The following PDE10A variants were observed in gnomAD, a reference collection of about 807,000 sequenced individuals.
PDE10A encodes phosphodiesterase 10A, also known as cAMP and cAMP-inhibited cGMP 3',5'-cyclic phosphodiesterase 10A.
A neutral mutation model predicts 97.7 loss-of-function variants in PDE10A; 39 were observed. That is an observed-to-expected ratio of 0.40 (90% CI 0.31 to 0.52). PDE10A has a LOEUF of 0.52. Ranked by LOEUF, PDE10A falls within the 20% of genes least tolerant of loss-of-function variation. The pLI is 0.56. For missense variants in PDE10A, 731 were observed against 1,047.8 expected (o/e 0.70, Z 4.17); for synonymous variants, 371 against 376.8 (o/e 0.98, Z 0.18).
At chr6:165,716,765 G>A (rs1160234858) in intron 1 of PDE10A, among the ~76,000 whole-genome samples, 2 of 152,198 alleles carry the variant, frequency 1.3e-5, no homozygotes, top group Admixed American at 6.5e-5. Context: ...TGTCTAAATG[G>A]AATGAGATGT....
Position 165,379,514 on chromosome 6 carries a change from A to C in PDE10A, c.2611-148T>G, listed in dbSNP as rs1004317385. On this transcript the variant is annotated intron_variant, in intron 17 of 21. Coordinates refer to ENST00000539869, the MANE Select transcript of PDE10A (RefSeq NM_001385079.1). ...GGGGTAACTTTTGTTTTTTTTGAAT[A>C]GTTAGAAATGACTAACGAAAACTGC... The C allele has an allele frequency of 5.1e-6, 3 of 589,754 alleles. No homozygotes were observed. In the African/African-American group the frequency reaches 5.8e-5, roughly 11 times the overall value. The allele number at this position is 589,754 out of a possible 1,614,324, so 36.5% of individuals were successfully genotyped here.
intron 1 of PDE10A, among the ~76,000 whole-genome samples, chr6:165,745,983 G>A (rs1185827792): frequency 1.3e-5 from 2 of 152,154 alleles, no homozygotes; most frequent in Non-Finnish European, 2.9e-5. Context: ...AAGGACGTTT[G>A]TTATACTATT....
In PDE10A at chr6:165,388,467, T is replaced by C; in HGVS notation, c.2455-14A>G. ...CAGTCCTTTGCGCTTTAAAAAATAATATGATGCAGAGATGCTCAAAACACA... is the reference window on the plus strand; with the variant it reads ...CAGTCCTTTGCGCTTTAAAAAATAACATGATGCAGAGATGCTCAAAACACA... On this transcript the variant is annotated splice_polypyrimidine_tract_variant and intron_variant, in intron 16 of 21. Transcript: ENST00000539869. This position sits in a 1 kb window ranked among gnomAD's most constrained non-coding sequence, Gnocchi z 4.0. 1.2e-6 allele frequency: 2 copies of C among 1,613,244 alleles called. No homozygotes were observed. Among genetic ancestry groups the C allele is most frequent in the Non-Finnish European group, 1.7e-6 (2 of 1,179,540 alleles).
At chr6:165,605,280 A>C (rs951318955) in intron 1 of PDE10A, among the ~76,000 whole-genome samples, 2 of 152,144 alleles carry the variant, frequency 1.3e-5, no homozygotes, top group African/African-American at 2.4e-5. Flanking sequence ...AACAAACAAA[A>C]AAAACCAACA....
At chr6:165,622,814 T>C (rs1788207893) in intron 1 of PDE10A, among the ~76,000 whole-genome samples, 1 of 152,212 alleles carries the variant, frequency 6.6e-6, no homozygotes, top group Non-Finnish European at 1.5e-5. Flanking sequence ...TTTGGAAATC[T>C]CATGCTGAAT....
At chr6:165,432,583 G>A (rs1253789794) in intron 7 of PDE10A, among the ~76,000 whole-genome samples, 1 of 152,084 alleles carries the variant, frequency 6.6e-6, no homozygotes, top group Non-Finnish European at 1.5e-5. Context: ...AATAGTGAAT[G>A]GAATTCAAAT....
chr6:165,613,114 T>G (rs1181289380), intron 1 of PDE10A, among the ~76,000 whole-genome samples: 1 of 152,190 alleles, frequency 6.6e-6, no homozygotes, highest in African/African-American at 2.4e-5. Context: ...AGAAAACAAA[T>G]CCCTTATTTT....
intron 1 of PDE10A, among the ~76,000 whole-genome samples, chr6:165,726,632 C>T (rs981518753): frequency 2.0e-5 from 3 of 152,204 alleles, no homozygotes; most frequent in African/African-American, 7.2e-5. Flanking sequence ...CCTGGGCCCG[C>T]ATCCTTGTCT....
chr6:165,827,058 G>A (rs1779780538), intron 1 of PDE10A, among the ~76,000 whole-genome samples: 1 of 152,160 alleles, frequency 6.6e-6, no homozygotes. Context: ...CCCTGACCAG[G>A]ACGTGGCCTG....
chr6:165,778,355 C>G (rs2128461169), intron 1 of PDE10A, among the ~76,000 whole-genome samples: 1 of 152,316 alleles, frequency 6.6e-6, no homozygotes, highest in Non-Finnish European at 1.5e-5. Context: ...CAGGCGTGAG[C>G]CACCGCGCCT....
intron 1 of PDE10A, among the ~76,000 whole-genome samples, chr6:165,789,654 G>T (rs920434153): frequency 2.0e-5 from 3 of 152,178 alleles, no homozygotes; most frequent in Non-Finnish European, 4.4e-5. Flanking sequence ...AGAAGAATGG[G>T]TTTTCCCACA....
At chr6:165,983,267 G>T (rs763271733) in intron 1 of PDE10A, among the ~76,000 whole-genome samples, 1 of 152,182 alleles carries the variant, frequency 6.6e-6, no homozygotes, top group Non-Finnish European at 1.5e-5. Flanking sequence ...ACTATCCTAC[G>T]TTCATCAGCA....
intron 1 of PDE10A, among the ~76,000 whole-genome samples, chr6:165,878,993 A>G (rs1781411968): frequency 6.6e-6 from 1 of 152,170 alleles, no homozygotes; most frequent in Non-Finnish European, 1.5e-5. Context: ...AACTGCCCAA[A>G]TAACAAATTC....
chr6:165,771,611 A>G (rs1778011759), intron 1 of PDE10A, among the ~76,000 whole-genome samples: 1 of 150,532 alleles, frequency 6.6e-6, no homozygotes, highest in Non-Finnish European at 1.5e-5. Context: ...AATCCACTCC[A>G]AAATCCTTAT....
chr6:165,862,240 C>T (rs1043621215), intron 1 of PDE10A, among the ~76,000 whole-genome samples: 3 of 152,170 alleles, frequency 2.0e-5, no homozygotes, highest in African/African-American at 7.2e-5. Context: ...GATTTTCCTC[C>T]AGTTACCTTG....
intron 16 of PDE10A, among the ~76,000 whole-genome samples, chr6:165,390,422 T>A (rs144734056): frequency 6.6e-6 from 1 of 152,292 alleles, no homozygotes; most frequent in East Asian, 1.9e-4. Flanking sequence ...TGGGGTTTAC[T>A]GCAAAGAAGA....
chr6:165,511,528 A>T (rs1054345490), intron 2 of PDE10A, among the ~76,000 whole-genome samples: 1 of 152,018 alleles, frequency 6.6e-6, no homozygotes, highest in African/African-American at 2.4e-5. Flanking sequence ...CCTTAGGTCC[A>T]GCTGATCCAA....
chr6:165,859,890 C>A (rs886611943), intron 1 of PDE10A, among the ~76,000 whole-genome samples: 23 of 152,256 alleles, frequency 1.5e-4, no homozygotes, highest in Non-Finnish European at 2.8e-4. Context: ...GCATTCTCAG[C>A]AACCTGGGTG....
chr6:165,459,514 T>TA (rs1226193246), intron 3 of PDE10A, among the ~76,000 whole-genome samples: 1 of 64,176 alleles, frequency 1.6e-5, no homozygotes, highest in African/African-American at 7.6e-5. Context: ...GATAGATAGA[T>TA]AGATAGATAG....
Sources: allele counts gnomAD v4.1 joint callset (sites outside exome capture counted in the v4.1 genomes callset), GRCh38; gene constraint gnomAD v4.1.1; non-coding constraint Gnocchi (gnomAD v3.1); transcripts MANE v1.5; gene names NCBI Gene and HGNC (gene_info 2026-07-23, HGNC 2026-07-21).